The following SSTR5 variants were observed in gnomAD, a reference collection of about 807,000 sequenced individuals.
SSTR5 encodes somatostatin receptor 5.
SSTR5 carries 1 observed loss-of-function variant against 0.3 expected under a neutral mutation model. The ratio of observed to expected loss-of-function variants is 2.98; its 90% CI spans 1.06 to 14.15. The LOEUF is 14.15. Among genes scored for constraint, SSTR5 ranks in the 30% most tolerant of loss-of-function variants. SSTR5 has a pLI of 0.12. For synonymous variants in SSTR5, 256 were observed against 263.1 expected, an observed-to-expected ratio of 0.97 and a Z score of 0.26; for missense variants, 516 against 543.2, an observed-to-expected ratio of 0.95 and a Z score of 0.50.
At chr16:1,075,060 T>C (rs1960165598) in intron 1 of SSTR5, among the ~76,000 whole-genome samples, 3 of 152,106 alleles carry the variant, frequency 2.0e-5, no homozygotes, top group Admixed American at 2.0e-4. Flanking sequence ...CCCCCTCCAG[T>C]GAATCCCCCA....
chr16:1,080,191 G>A lies in SSTR5; in HGVS notation c.*228G>A. On this transcript the variant is annotated 3_prime_UTR_variant, in exon 2 of 2. Transcript: ENST00000689027. The stretch of plus-strand genomic sequence containing the variant: ...GCGGGGGCTCCCGGGAGGTAGGGGA[G>A]GTGGCCAGACCGGTGGGGGGCTCCG... The A allele has an allele frequency of 1.7e-6, 1 of 604,328 alleles. No homozygotes were observed. The allele number at this position is 604,328 out of a possible 1,614,324, so 37.4% of individuals were successfully genotyped here.
intron 1 of SSTR5, among the ~76,000 whole-genome samples, 100 bp downstream of exon 1, chr16:1,072,922 C>G (rs1347567325): frequency 3.3e-5 from 5 of 152,018 alleles, no homozygotes; most frequent in Admixed American, 2.6e-4. Flanking sequence ...AGCCCCGGCC[C>G]GGGGTCCCGC....
In SSTR5 at chr16:1,079,516, C is replaced by T. The variant is rs917576422; in HGVS notation, c.648C>T (p.Val216=). 3 of 1,612,140 alleles carry T rather than the reference C, an allele frequency of 1.9e-6. No individual in the cohort carries two copies. Among genetic ancestry groups the T allele is most frequent in the Non-Finnish European group, 2.5e-6 (3 of 1,179,524 alleles). The change falls in exon 2 of 2, where the codon GTC becomes GTT. Residue 216 remains valine (V), a synonymous_variant. Transcript: ENST00000689027. ...AVLGFFAPLL[V]ICLCYLLIVV... ...TGGGCTTCTTCGCGCCGCTGCTGGT[C>T]ATCTGCCTGTGCTACCTGCTCATCG...
chr16:1,073,692 G>A (rs1960136261), intron 1 of SSTR5: 1 of 144,258 alleles, frequency 6.9e-6, no homozygotes, highest in Non-Finnish European at 1.5e-5. Context: ...CAGCCTGCCA[G>A]CCTGCCTGGG....
At chr16:1,076,393 G>GCAGGCC (rs1960213066) in intron 1 of SSTR5, among the ~76,000 whole-genome samples, 1 of 144,632 alleles carries the variant, frequency 6.9e-6, no homozygotes, top group African/African-American at 2.6e-5. Context: ...CCCTGCTGAG[G>GCAGGCC]ATTCTGCTGC....
rs1038018208 is a variant in SSTR5, at chr16:1,080,811, G to C, written c.*848G>C. On this transcript the variant is annotated 3_prime_UTR_variant, in exon 2 of 2. Coordinates refer to ENST00000689027, the MANE Select transcript of SSTR5 (RefSeq NM_001172560.3). ...TCTGTCTGGAGGGGTCCAGTGTGGGGTGCCTGAGGGCACTAGGGAGAGGTG... is the reference window on the plus strand; with the variant it reads ...TCTGTCTGGAGGGGTCCAGTGTGGGCTGCCTGAGGGCACTAGGGAGAGGTG... Among the ~76,000 whole-genome samples, 13 of 152,184 alleles carry C rather than the reference G, an allele frequency of 8.5e-5. No individual in the cohort carries two copies. Among genetic ancestry groups the C allele is most frequent in the Non-Finnish European group, 1.9e-4 (13 of 68,024 alleles).
intron 1 of SSTR5, among the ~76,000 whole-genome samples, chr16:1,074,199 C>T (rs1292090870): frequency 3.3e-5 from 5 of 152,188 alleles, no homozygotes; most frequent in Admixed American, 1.3e-4. Context: ...GGCCTGGCTC[C>T]GGGGCCTTTG....
chr16:1,079,825 G>A lies in SSTR5; in HGVS notation c.957G>A (p.Leu319=), dbSNP rs748082332. The A allele has an allele frequency of 1.2e-6, 2 of 1,612,192 alleles. No individual in the cohort carries two copies. The highest frequency in any genetic ancestry group is 1.7e-5 in the Admixed American group (1 of 60,016). Residue 319 remains leucine, a synonymous_variant, in exon 2 of 2, where the codon CTG becomes CTA. Transcript: ENST00000689027. ...TCCGCCAGAGCTTCCAGAAGGTTCT[G>A]TGCCTCCGCAAGGGCTCTGGTGCCA... ...DNFRQSFQKV[L]CLRKGSGAKD... is the part of the protein sequence containing the mutation.
At chr16:1,075,975 CT>C (rs1453258898) in intron 1 of SSTR5, among the ~76,000 whole-genome samples, 4 of 814 alleles carry the variant, frequency 4.9e-3, no homozygotes, top group Non-Finnish European at 9.2e-3. Flanking sequence ...CTCTCTCTCC[CT>C]CCCCCTCCTC....
chr16:1,074,747 G>A (rs34655943), intron 1 of SSTR5, among the ~76,000 whole-genome samples: 40,035 of 152,180 alleles, frequency 0.26, 6,618 homozygotes, highest in Admixed American at 0.37. Context: ...GGCACACCGG[G>A]CACCTGCAGA....
Position 1,079,087 on chromosome 16 carries a change from C to G in SSTR5, c.219C>G (p.Thr73=). 2 of 1,612,634 alleles carry G rather than the reference C, an allele frequency of 1.2e-6. No individual in the cohort carries two copies. The highest frequency in any genetic ancestry group is 1.7e-6 in the Non-Finnish European group (2 of 1,179,922). The part of the protein sequence containing the change: ...YVVLRFAKMK[T]VTNIYILNLA... ...TGCTGCGCTTCGCCAAGATGAAGAC[C>G]GTCACCAACATCTACATTCTCAACC... is the stretch of plus-strand genomic sequence containing the variant. The change falls in exon 2 of 2, where the codon ACC becomes ACG. Residue 73 remains threonine (T), a synonymous_variant. Coordinates refer to ENST00000689027, the MANE Select transcript of SSTR5 (RefSeq NM_001172560.3).
chr16:1,074,616 C>T (rs944647642), intron 1 of SSTR5, among the ~76,000 whole-genome samples: 19 of 152,210 alleles, frequency 1.2e-4, no homozygotes, highest in Admixed American at 1.1e-3. Context: ...TGGGAGCAAT[C>T]GTTGAGCGCC....
chr16:1,079,512 T>G lies in SSTR5; in HGVS notation c.644T>G (p.Leu215Arg). The stretch of plus-strand genomic sequence containing the variant: ...GTGCTGGGCTTCTTCGCGCCGCTGC[T>G]GGTCATCTGCCTGTGCTACCTGCTC... Reference protein sequence around the residue: ...TAVLGFFAPLLVICLCYLLIV... With the variant: ...TAVLGFFAPLRVICLCYLLIV... Residue 215 changes from leucine to arginine, a missense_variant, in exon 2 of 2, where the codon CTG (leucine) becomes CGG (arginine). Leu to Arg is a moderately radical substitution (Grantham distance 102, BLOSUM62 -2). Coordinates refer to ENST00000689027, the MANE Select transcript of SSTR5 (RefSeq NM_001172560.3). 6.2e-7 allele frequency: 1 copy of G among 1,612,056 alleles called. No homozygotes were observed. The highest frequency in any genetic ancestry group is 2.2e-5 in the East Asian group (1 of 44,864).
Position 1,079,372 on chromosome 16 carries a change from G to C in SSTR5, c.504G>C (p.Leu168=), listed in dbSNP as rs757200795. 2 of 1,598,038 alleles carry C rather than the reference G, an allele frequency of 1.3e-6. No homozygotes were observed. The highest frequency in any genetic ancestry group is 1.7e-6 in the Non-Finnish European group (2 of 1,172,442). The part of the protein sequence containing the change: ...LASAAAWVLS[L]CMSLPLLVFA... ...GCGCCGCGGCCTGGGTCCTGTCTCTGTGCATGTCGCTGCCGCTCCTGGTGT... is the reference window on the plus strand; with the variant it reads ...GCGCCGCGGCCTGGGTCCTGTCTCTCTGCATGTCGCTGCCGCTCCTGGTGT... Residue 168 remains leucine, a synonymous_variant, in exon 2 of 2, where the codon CTG becomes CTC. Coordinates refer to ENST00000689027, the MANE Select transcript of SSTR5 (RefSeq NM_001172560.3).
At position 1,080,544 on chromosome 16, in the gene SSTR5, G is replaced by A. The variant is rs563407249; in HGVS notation, c.*581G>A. Among the ~76,000 whole-genome samples the A allele has an allele frequency of 2.6e-5, 4 of 152,346 alleles. No individual in the cohort carries two copies. The highest frequency in any genetic ancestry group is 9.6e-5 in the African/African-American group (4 of 41,594). On this transcript the variant is annotated 3_prime_UTR_variant, in exon 2 of 2. Coordinates refer to ENST00000689027, the MANE Select transcript of SSTR5 (RefSeq NM_001172560.3). The stretch of plus-strand genomic sequence containing the variant: ...AGGGGAGTGTGGCTGGGCAGCCCCT[G>A]GTCAGCCAGGGTCACGCCTGTCCTG...
Position 1,080,707 on chromosome 16 carries a change from T to G in SSTR5, c.*744T>G, listed in dbSNP as rs35024978. 7.1e-3 allele frequency among the ~76,000 whole-genome samples: 1,079 copies of G among 152,038 alleles called. 8 individuals carry two copies. The highest frequency in any genetic ancestry group is 8.4e-3 in the Non-Finnish European group (569 of 67,938). On this transcript the variant is annotated 3_prime_UTR_variant, in exon 2 of 2. Transcript: ENST00000689027. ...GGAGGCGGCTGGTGCAGAGGAGAGC[T>G]GGGGGCTGAGGTTGGGGTGAAGGCT...
intron 1 of SSTR5, 87 bp from the exon 2 acceptor site, chr16:1,078,755 G>A (rs1441336356): frequency 3.1e-5 from 41 of 1,325,768 alleles, no homozygotes; most frequent in Admixed American, 4.1e-5. Flanking sequence ...CTCCTGGCAG[G>A]CGGGGCTGGG....
intron 1 of SSTR5, among the ~76,000 whole-genome samples, chr16:1,076,974 T>G (rs1047300872): frequency 5.9e-5 from 9 of 152,176 alleles, no homozygotes; most frequent in African/African-American, 1.9e-4. Context: ...TATTTCTTAG[T>G]GTGTTTGGGC....
In SSTR5 at chr16:1,079,825, G is replaced by C. The variant is rs748082332; in HGVS notation, c.957G>C (p.Leu319=). Residue 319 remains leucine (L), a synonymous_variant, in exon 2 of 2, where the codon CTG becomes CTC. Transcript: ENST00000689027. ...TCCGCCAGAGCTTCCAGAAGGTTCTGTGCCTCCGCAAGGGCTCTGGTGCCA... is the reference window on the plus strand; with the variant it reads ...TCCGCCAGAGCTTCCAGAAGGTTCTCTGCCTCCGCAAGGGCTCTGGTGCCA... The part of the protein sequence containing the change: ...DNFRQSFQKV[L]CLRKGSGAKD... 5.0e-6 allele frequency: 8 copies of C among 1,612,074 alleles called. No individual in the cohort carries two copies. Among genetic ancestry groups the C allele is most frequent in the African/African-American group, 4.0e-5 (3 of 74,930 alleles).
Sources: allele counts gnomAD v4.1 joint callset (sites outside exome capture counted in the v4.1 genomes callset), GRCh38; gene constraint gnomAD v4.1.1; transcripts MANE v1.5; gene names NCBI Gene and HGNC (gene_info 2026-07-23, HGNC 2026-07-21).